Variants in ABCA10 observed in about 807,000 individuals in gnomAD.
ABCA10 encodes ATP binding cassette subfamily A member 10.
ABCA10 carries 169 observed loss-of-function variants against 187.5 expected under a neutral mutation model. The ratio of observed to expected loss-of-function variants is 0.90; its 90% CI spans 0.80 to 1.02. The LOEUF (loss-of-function observed/expected upper bound fraction) is 1.02. ABCA10 is among the 50% of genes least tolerant of loss of function. The pLI, the probability that ABCA10 is intolerant of heterozygous loss-of-function variation, is 0.00. For synonymous variants in ABCA10, 574 were observed against 601.8 expected (o/e 0.95, Z 0.68); for missense variants, 1,727 against 1,812.4 (o/e 0.95, Z 0.86).
chr17:69,235,798 A>G (rs566618902), intron 1 of ABCA10, among the ~76,000 whole-genome samples: 1 of 152,298 alleles, frequency 6.6e-6, no homozygotes, highest in South Asian at 2.1e-4. Flanking sequence ...AAAAAAAACA[A>G]AAACAAAACC....
chr17:69,174,783 AAAG>A lies in ABCA10; in HGVS notation c.2878-9_2878-7del, dbSNP rs1568056020. On this transcript the variant is annotated splice_polypyrimidine_tract_variant and splice_region_variant and intron_variant, in intron 23 of 38. Transcript: ENST00000690296. The stretch of plus-strand genomic sequence containing the variant: ...AACTGGGATTGAACATTTTTCTGAC[AAAG>A]AATAGAAGGGATAGAGGAAGGGATC... 1.3e-6 allele frequency: 2 copies of A among 1,572,788 alleles called. No homozygotes were observed. Among genetic ancestry groups the A allele is most frequent in the African/African-American group, 1.4e-5 (1 of 72,798 alleles).
rs932111951 is a variant in ABCA10, at chr17:69,179,545, C to A, written c.2769+2608G>T. ...GTAACTTCTTTCCTCAGCTCCATTTCTATTTACTCCACCTAAGGATTAACA... is the reference window on the plus strand; with the variant it reads ...GTAACTTCTTTCCTCAGCTCCATTTATATTTACTCCACCTAAGGATTAACA... On this transcript the variant is annotated intron_variant, in intron 22 of 38. Coordinates refer to ENST00000690296, the MANE Select transcript of ABCA10 (RefSeq NM_001377321.1). Among the ~76,000 whole-genome samples the A allele has an allele frequency of 2.0e-5, 3 of 152,150 alleles. No individual in the cohort carries two copies. The South Asian group carries it at 6.2e-4, about 32-fold the overall frequency.
chr17:69,176,271 G>A (rs1168036140), intron 22 of ABCA10, among the ~76,000 whole-genome samples: 1 of 152,078 alleles, frequency 6.6e-6, no homozygotes, highest in Non-Finnish European at 1.5e-5. Context: ...GCCTAACTAC[G>A]TGCAAGATAC....
At chr17:69,212,072 T>C (rs575532934) in intron 9 of ABCA10, among the ~76,000 whole-genome samples, 3 of 152,340 alleles carry the variant, frequency 2.0e-5, no homozygotes, top group Non-Finnish European at 2.9e-5. Context: ...GACCTTAGAT[T>C]GTCTATTTGT....
chr17:69,182,939 C>G lies in ABCA10; in HGVS notation c.2498-131G>C, dbSNP rs911382653. ...GAATAGCTTAGTAAAGAGCCTTGCT[C>G]TTTAGGAGTACAATACTATTCATTC... On this transcript the variant is annotated intron_variant, in intron 20 of 38. Transcript: ENST00000690296. The G allele has an allele frequency of 1.2e-5, 14 of 1,151,932 alleles. No individual in the cohort carries two copies. The Admixed American group carries it at 2.0e-4, about 16-fold the overall frequency. 71.4% of individuals were successfully genotyped at this position (1,151,932 alleles called of 1,614,324 possible). A position where few individuals can be genotyped will look rare whatever the true frequency, so the allele number is the denominator to read the frequency against.
At chr17:69,196,013 C>T (rs571938811) in intron 11 of ABCA10, among the ~76,000 whole-genome samples, 1 of 152,244 alleles carries the variant, frequency 6.6e-6, no homozygotes, top group Non-Finnish European at 1.5e-5. Context: ...CCACACTTCC[C>T]CCTCTTCCAC....
chr17:69,183,355 T>C (rs574702257), intron 20 of ABCA10, among the ~76,000 whole-genome samples: 10 of 152,070 alleles, frequency 6.6e-5, no homozygotes, highest in Non-Finnish European at 1.5e-4. Flanking sequence ...CCATCATAGA[T>C]GGAAAGGAAG....
chr17:69,213,506 G>C (rs999231447), intron 9 of ABCA10, among the ~76,000 whole-genome samples: 1 of 152,138 alleles, frequency 6.6e-6, no homozygotes, highest in Non-Finnish European at 1.5e-5. Flanking sequence ...GAAAGTGGGG[G>C]AAAGCCAGGA....
intron 27 of ABCA10, among the ~76,000 whole-genome samples, chr17:69,160,696 C>T (rs1008670005): frequency 2.6e-5 from 4 of 151,896 alleles, no homozygotes; most frequent in Non-Finnish European, 5.9e-5. Flanking sequence ...GTCAATGAAA[C>T]GCAAATGAAA....
intron 1 of ABCA10, among the ~76,000 whole-genome samples, 175 bp downstream of exon 1, chr17:69,228,406 A>G (rs183529357): frequency 3.6e-4 from 55 of 152,104 alleles, no homozygotes; most frequent in South Asian, 2.1e-4. Flanking sequence ...AAAATGTTAC[A>G]TAAGTTTTTA....
intron 3 of ABCA10, chr17:69,223,738 C>G (rs566726600): frequency 3.0e-5 from 12 of 397,398 alleles, no homozygotes; most frequent in Non-Finnish European, 5.8e-5. Context: ...CTGTCAAGGC[C>G]AAACCATGAA....
In ABCA10 at chr17:69,148,719, A is replaced by G. The variant is rs1686299973; in HGVS notation, c.*108T>C. 1 of 948,586 alleles carries G rather than the reference A, an allele frequency of 1.1e-6. No homozygotes were observed. The allele number at this position is 948,586 out of a possible 1,614,324, so 58.8% of individuals were successfully genotyped here. A position where few individuals can be genotyped will look rare whatever the true frequency, so the allele number is the denominator to read the frequency against. On this transcript the variant is annotated 3_prime_UTR_variant, in exon 39 of 39. Transcript: ENST00000690296. Reference sequence around the variant, plus strand: ...AAACTGTAATCATTATTGAATGTTTATTAAATGTTTTCTTTTGTTAACTGA... The same window carrying G: ...AAACTGTAATCATTATTGAATGTTTGTTAAATGTTTTCTTTTGTTAACTGA...
At chr17:69,149,379 T>A in intron 37 of ABCA10, 1 of 335,480 alleles carries the variant, frequency 3.0e-6, no homozygotes, top group South Asian at 5.8e-5. Flanking sequence ...TTGTCGAGAA[T>A]AATTTATTCT....
intron 3 of ABCA10, chr17:69,223,664 G>A: frequency 2.2e-6 from 1 of 449,856 alleles, no homozygotes; most frequent in Admixed American, 2.4e-5. Context: ...TATAGAGTCA[G>A]GCGGTGAAAC....
chr17:69,214,614 G>T, intron 9 of ABCA10, 90 bp downstream of exon 9: 1 of 1,157,712 alleles, frequency 8.6e-7, no homozygotes, highest in Non-Finnish European at 1.2e-6. Flanking sequence ...TATCAGAAAT[G>T]CTTCTTAAGT....
intron 3 of ABCA10, among the ~76,000 whole-genome samples, chr17:69,223,201 GA>G (rs2074764106): frequency 6.6e-6 from 1 of 151,986 alleles, no homozygotes; most frequent in Admixed American, 6.6e-5. Context: ...GAATTAAAAG[GA>G]AAAATATTTA....
chr17:69,205,623 T>C (rs1378716069), intron 9 of ABCA10, among the ~76,000 whole-genome samples: 1 of 152,230 alleles, frequency 6.6e-6, no homozygotes, highest in Non-Finnish European at 1.5e-5. Flanking sequence ...GCAACTTCTC[T>C]AGATCACTGT....
chr17:69,161,011 T>C (rs7220968), intron 27 of ABCA10, among the ~76,000 whole-genome samples: 1,967 of 152,282 alleles, frequency 0.013, 48 homozygotes, highest in African/African-American at 0.045. Flanking sequence ...AAATGTTTAT[T>C]GACAGAATGA....
intron 1 of ABCA10, among the ~76,000 whole-genome samples, chr17:69,239,479 G>T (rs1016167367): frequency 1.3e-5 from 2 of 152,162 alleles, no homozygotes; most frequent in African/African-American, 4.8e-5. Flanking sequence ...TTTTCTGGTA[G>T]TATTGAGCTT....
Sources: allele counts gnomAD v4.1 joint callset (sites outside exome capture counted in the v4.1 genomes callset), GRCh38; gene constraint gnomAD v4.1.1; transcripts MANE v1.5; gene names NCBI Gene and HGNC (gene_info 2026-07-23, HGNC 2026-07-21).